TMCO5A: variants seen among roughly 807,000 people sequenced by gnomAD.
TMCO5A encodes transmembrane and coiled-coil domain-containing protein 5A.
TMCO5A carries 34 observed loss-of-function variants against 42.3 expected under a neutral mutation model. The ratio of observed to expected loss-of-function variants is 0.80; its 90% CI spans 0.61 to 1.07. The LOEUF (loss-of-function observed/expected upper bound fraction) is 1.07, where lower values mean the gene tolerates loss of function less well. TMCO5A is among the 50% of genes least tolerant of loss of function. The pLI, the probability that TMCO5A is intolerant of heterozygous loss-of-function variation, is 0.00. For synonymous variants in TMCO5A, 131 were observed against 115.6 expected (o/e 1.13, Z -0.86); for missense variants, 357 against 327.9 (o/e 1.09, Z -0.69).
At chr15:37,952,158 T>C (rs566081345), downstream of TMCO5A, among the ~76,000 whole-genome samples, 9 of 152,184 alleles carry the variant, frequency 5.9e-5, no homozygotes, top group South Asian at 1.7e-3. Context: ...TGGAGGCTTA[T>C]ATAAACTTGA....
At chr15:37,997,455 G>A in the TMCO5A span, among the ~76,000 whole-genome samples, 2 of 152,144 alleles carry the variant, frequency 1.3e-5, no homozygotes, top group Non-Finnish European at 1.5e-5. Flanking sequence ...CCCAAAATAA[G>A]TGAAAATGTG....
the TMCO5A span, among the ~76,000 whole-genome samples, chr15:37,985,486 TA>T: frequency 6.6e-6 from 1 of 152,216 alleles, no homozygotes; most frequent in African/African-American, 2.4e-5. Context: ...CAGTACATTG[TA>T]AATTTCTTAA....
downstream of TMCO5A, among the ~76,000 whole-genome samples, chr15:37,970,401 T>A (rs1890651143): frequency 6.6e-6 from 1 of 152,184 alleles, no homozygotes; most frequent in Non-Finnish European, 1.5e-5. Context: ...ATGATTCAAC[T>A]ATCTCCCACC....
the TMCO5A span, among the ~76,000 whole-genome samples, chr15:37,980,623 G>A: frequency 4.5e-5 from 5 of 110,652 alleles, no homozygotes; most frequent in African/African-American, 1.8e-4. Flanking sequence ...GCCGCTTCTA[G>A]TCAGCCATCT....
chr15:38,008,832 T>C, the TMCO5A span, among the ~76,000 whole-genome samples: 1 of 152,222 alleles, frequency 6.6e-6, no homozygotes. Context: ...TACCATCTTC[T>C]GAATCGTTTA....
downstream of TMCO5A, among the ~76,000 whole-genome samples, chr15:37,971,396 A>G (rs970075712): frequency 1.3e-5 from 2 of 152,066 alleles, no homozygotes; most frequent in Non-Finnish European, 2.9e-5. Flanking sequence ...CCAGCCCACA[A>G]AGCAATTTCT....
chr15:37,960,763 G>T (rs1230332843), intron 11 of TMCO5A, among the ~76,000 whole-genome samples: 1 of 152,084 alleles, frequency 6.6e-6, no homozygotes, highest in African/African-American at 2.4e-5. Flanking sequence ...GTTTTGATTT[G>T]CATTTCCTTG....
At chr15:37,983,731 GT>G in the TMCO5A span, among the ~76,000 whole-genome samples, 16 of 125,968 alleles carry the variant, frequency 1.3e-4, no homozygotes, top group South Asian at 3.3e-3. Context: ...TTTTTTTTTT[GT>G]TTTTTTTTTG....
rs1347792933 is a variant in TMCO5A, at chr15:37,943,328, G to A, written c.570-13G>A. On this transcript the variant is annotated splice_polypyrimidine_tract_variant and intron_variant, in intron 9 of 11. Transcript: ENST00000319669. ...ACTTTGTTCAATTTCTGTCCTGGCTGTTATCTTCATAGATCAAAACTCGTG... is the reference window on the plus strand; with the variant it reads ...ACTTTGTTCAATTTCTGTCCTGGCTATTATCTTCATAGATCAAAACTCGTG... The A allele has an allele frequency of 2.5e-6, 4 of 1,611,164 alleles. No homozygotes were observed. The highest frequency in any genetic ancestry group is 2.2e-5 in the East Asian group (1 of 44,682).
chr15:37,999,859 T>A, the TMCO5A span, among the ~76,000 whole-genome samples: 2 of 152,348 alleles, frequency 1.3e-5, no homozygotes, highest in East Asian at 3.9e-4. Context: ...CATCTTTGCA[T>A]CCCTGGAATA....
the TMCO5A span, among the ~76,000 whole-genome samples, chr15:38,014,973 G>T: frequency 6.7e-6 from 1 of 148,222 alleles, no homozygotes; most frequent in Non-Finnish European, 1.5e-5. Context: ...AGCAAGGAGA[G>T]CCAGTCCAAG....
the TMCO5A span, among the ~76,000 whole-genome samples, chr15:37,978,230 T>C: frequency 6.6e-6 from 1 of 152,202 alleles, no homozygotes; most frequent in Admixed American, 6.5e-5. Flanking sequence ...ATGAGCTCCT[T>C]TCCTTAGGGT....
chr15:37,938,548 C>A (rs1461463822), intron 6 of TMCO5A, among the ~76,000 whole-genome samples: 1 of 152,048 alleles, frequency 6.6e-6, no homozygotes, highest in African/African-American at 2.4e-5. Flanking sequence ...TTAATTACTG[C>A]CTCTCAGCCT....
At chr15:37,974,189 C>G in the TMCO5A span, among the ~76,000 whole-genome samples, 1 of 152,070 alleles carries the variant, frequency 6.6e-6, no homozygotes, top group Non-Finnish European at 1.5e-5. Context: ...AATTTTGCAT[C>G]TATGTTTATC....
chr15:37,992,065 C>T, the TMCO5A span, among the ~76,000 whole-genome samples: 1 of 152,030 alleles, frequency 6.6e-6, no homozygotes, highest in African/African-American at 2.4e-5. Context: ...AAGAAACAGC[C>T]TACAGAATGG....
the TMCO5A span, among the ~76,000 whole-genome samples, chr15:37,976,053 G>A: frequency 6.6e-6 from 1 of 150,952 alleles, no homozygotes; most frequent in East Asian, 1.9e-4. Flanking sequence ...CGACTAGCCT[G>A]GCCAACATGG....
the TMCO5A span, among the ~76,000 whole-genome samples, chr15:38,038,720 T>C: frequency 6.6e-6 from 1 of 152,118 alleles, no homozygotes; most frequent in Non-Finnish European, 1.5e-5. Flanking sequence ...AAGATGAAAA[T>C]TTCAGTGATG....
Position 37,947,267 on chromosome 15 carries a change from T to A in TMCO5A, c.628-389T>A, listed in dbSNP as rs997121020. 2.0e-5 allele frequency among the ~76,000 whole-genome samples: 3 copies of A among 152,154 alleles called. No homozygotes were observed. In the South Asian group the frequency reaches 6.2e-4, roughly 32 times the overall value. ...AGACTTATCTCTTAAGATATGTTTATATAGTTTTCTTAGCCTATAAGCTTC... is the reference window on the plus strand; with the variant it reads ...AGACTTATCTCTTAAGATATGTTTAAATAGTTTTCTTAGCCTATAAGCTTC... On this transcript the variant is annotated intron_variant, in intron 10 of 11. Transcript: ENST00000319669.
chr15:37,946,418 T>G (rs1889959866), intron 10 of TMCO5A, among the ~76,000 whole-genome samples: 1 of 152,188 alleles, frequency 6.6e-6, no homozygotes, highest in Non-Finnish European at 1.5e-5. Flanking sequence ...AGTAGTTTAA[T>G]GTGAATAGCA....
Sources: gnomAD v4.1 joint callset for allele counts (sites outside exome capture counted in the v4.1 genomes callset) on GRCh38, gnomAD v4.1.1 for gene constraint, MANE v1.5 for transcripts, NCBI Gene and HGNC (gene_info 2026-07-23, HGNC 2026-07-21) for gene names.